The following CPQ variants were observed in gnomAD, a reference collection of about 807,000 sequenced individuals.
The protein encoded by CPQ is Ser-Met dipeptidase.
Under a neutral mutation model 45.7 loss-of-function variants are expected in CPQ, and 37 were observed. The observed-to-expected ratio is 0.81, with a 90% CI of 0.62 to 1.07. CPQ has a LOEUF of 1.07. Ranked by LOEUF, CPQ falls within the 50% of genes least tolerant of loss-of-function variation. CPQ has a pLI of 0.00. For missense variants in CPQ, 537 were observed against 572.9 expected (o/e 0.94, Z 0.64); for synonymous variants, 186 against 205.8 (o/e 0.90, Z 0.82).
chr8:96,836,671 G>A (rs1222979496), intron 3 of CPQ, among the ~76,000 whole-genome samples: 1 of 152,178 alleles, frequency 6.6e-6, no homozygotes, highest in Non-Finnish European at 1.5e-5. Flanking sequence ...AAATTATGGA[G>A]CTGGTCTGTT....
intron 4 of CPQ, among the ~76,000 whole-genome samples, chr8:96,905,111 T>A (rs1258534748): frequency 6.6e-6 from 1 of 151,900 alleles, no homozygotes; most frequent in Non-Finnish European, 1.5e-5. Flanking sequence ...AAACATACAA[T>A]CATGGCACAA....
At chr8:96,921,016 T>C (rs1444171090) in intron 4 of CPQ, among the ~76,000 whole-genome samples, 1 of 152,188 alleles carries the variant, frequency 6.6e-6, no homozygotes, top group Non-Finnish European at 1.5e-5. Context: ...GTATAGCTTA[T>C]AAAGCACTTA....
At chr8:96,652,924 G>A (rs1328404066) in intron 1 of CPQ, among the ~76,000 whole-genome samples, 2 of 152,106 alleles carry the variant, frequency 1.3e-5, no homozygotes, top group South Asian at 2.1e-4. Flanking sequence ...GTGAGCCACC[G>A]CACCCGGCCC....
chr8:97,010,012 T>A (rs1022862967), intron 5 of CPQ, among the ~76,000 whole-genome samples: 1 of 152,164 alleles, frequency 6.6e-6, no homozygotes, highest in African/African-American at 2.4e-5. Flanking sequence ...ACTGGAAAAC[T>A]TGAAGAGGGG....
chr8:96,815,969 C>G (rs560417458), intron 2 of CPQ, among the ~76,000 whole-genome samples: 1 of 152,202 alleles, frequency 6.6e-6, no homozygotes, highest in East Asian at 1.9e-4. Context: ...GGTGGTCTTG[C>G]CTTGATGTTG....
intron 1 of CPQ, among the ~76,000 whole-genome samples, chr8:96,747,318 A>T (rs1361462605): frequency 6.6e-6 from 1 of 150,976 alleles, no homozygotes; most frequent in East Asian, 1.9e-4. Flanking sequence ...ACACTGTTTG[A>T]CTCATTATTT....
intron 4 of CPQ, among the ~76,000 whole-genome samples, chr8:96,952,922 T>C (rs577555519): frequency 6.6e-6 from 1 of 152,248 alleles, no homozygotes; most frequent in South Asian, 2.1e-4. Flanking sequence ...TCTTAGTTAT[T>C]ATGCCTTCCT....
intron 2 of CPQ, among the ~76,000 whole-genome samples, chr8:96,814,608 T>A (rs1334817444): frequency 6.6e-6 from 1 of 152,214 alleles, no homozygotes; most frequent in East Asian, 1.9e-4. Context: ...TTTCAATAAA[T>A]GGTTTTGAGC....
chr8:96,691,085 T>G (rs144396691), intron 1 of CPQ, among the ~76,000 whole-genome samples: 44 of 152,300 alleles, frequency 2.9e-4, no homozygotes, highest in African/African-American at 1.0e-3. Context: ...ACCAGTGGCT[T>G]AAAAGAACAG....
intron 7 of CPQ, among the ~76,000 whole-genome samples, chr8:97,069,472 A>C (rs1425857255): frequency 1.0e-4 from 15 of 145,026 alleles, no homozygotes; most frequent in South Asian, 2.2e-4. Flanking sequence ...TCTGTCTCTA[A>C]AAAAAAAAAA....
At chr8:96,815,457 G>A (rs1428981101) in intron 2 of CPQ, among the ~76,000 whole-genome samples, 1 of 151,834 alleles carries the variant, frequency 6.6e-6, no homozygotes, top group African/African-American at 2.4e-5. Context: ...CAAGCAGAAT[G>A]GGCTATTAAG....
intron 2 of CPQ, among the ~76,000 whole-genome samples, chr8:96,829,450 T>A (rs1811421149): frequency 6.6e-6 from 1 of 152,130 alleles, no homozygotes. Context: ...GTTTTCCTTT[T>A]CTTCCTGGAA....
intron 5 of CPQ, among the ~76,000 whole-genome samples, chr8:97,028,287 G>C (rs1464733174): frequency 6.6e-6 from 1 of 152,196 alleles, no homozygotes; most frequent in East Asian, 1.9e-4. Flanking sequence ...GAAGAGGCAG[G>C]AGAGAGCTCT....
At chr8:96,820,686 A>G (rs1402697841) in intron 2 of CPQ, among the ~76,000 whole-genome samples, 2 of 152,016 alleles carry the variant, frequency 1.3e-5, no homozygotes, top group Non-Finnish European at 2.9e-5. Context: ...GTGTATATAT[A>G]TGGCGTTTTC....
At chr8:96,683,887 G>C (rs1358779457) in intron 1 of CPQ, among the ~76,000 whole-genome samples, 1 of 151,700 alleles carries the variant, frequency 6.6e-6, no homozygotes, top group Non-Finnish European at 1.5e-5. Flanking sequence ...CCAGGCCTTT[G>C]GTTTTGTTCT....
chr8:96,738,330 T>G (rs1586380076), intron 1 of CPQ, among the ~76,000 whole-genome samples: 1 of 152,188 alleles, frequency 6.6e-6, no homozygotes, highest in African/African-American at 2.4e-5. Context: ...TATGTGGATT[T>G]GTCCATTTCT....
At chr8:96,711,498 C>T (rs1809607610) in intron 1 of CPQ, among the ~76,000 whole-genome samples, 1 of 152,128 alleles carries the variant, frequency 6.6e-6, no homozygotes, top group Admixed American at 6.6e-5. Context: ...GTTTAATTGA[C>T]TCACAGTTCA....
chr8:97,096,033 G>A (rs1399878309), intron 7 of CPQ, among the ~76,000 whole-genome samples: 1 of 151,948 alleles, frequency 6.6e-6, no homozygotes, highest in African/African-American at 2.4e-5. Flanking sequence ...CAAATTTCCA[G>A]TGAAATTATA....
chr8:96,925,424 C>A (rs1037408492), intron 4 of CPQ, among the ~76,000 whole-genome samples: 1 of 151,704 alleles, frequency 6.6e-6, no homozygotes, highest in African/African-American at 2.4e-5. Flanking sequence ...CACTCCATCC[C>A]CCAGGCTGGA....
Sources: allele counts gnomAD v4.1 joint callset (sites outside exome capture counted in the v4.1 genomes callset), GRCh38; gene constraint gnomAD v4.1.1; transcripts MANE v1.5; gene names NCBI Gene and HGNC (gene_info 2026-07-23, HGNC 2026-07-21).